Variants in SETD5 observed in about 807,000 individuals in gnomAD.
SETD5 encodes the protein SET domain containing 5.
Under a neutral mutation model 153.3 loss-of-function variants are expected in SETD5, and 44 were observed. The observed-to-expected ratio is 0.29, with a 90% confidence interval of 0.23 to 0.37. The LOEUF is 0.37. SETD5 is among the 10% of genes least tolerant of loss of function. The pLI, the probability that SETD5 is intolerant of heterozygous loss-of-function variation, is 1.00. For synonymous variants in SETD5, 716 were observed against 645.2 expected (o/e 1.11, Z -1.66); for missense variants, 1,544 against 1,768.0 (o/e 0.87, Z 2.27).
intron 18 of SETD5, among the ~76,000 whole-genome samples, chr3:9,466,009 C>T (rs1184700134): frequency 6.6e-6 from 1 of 152,070 alleles, no homozygotes; most frequent in East Asian, 1.9e-4. Flanking sequence ...TAGAAGGAGG[C>T]CGGGCGCAGT....
At chr3:9,471,355 G>A (rs1010336515) in intron 19 of SETD5, among the ~76,000 whole-genome samples, 1 of 152,178 alleles carries the variant, frequency 6.6e-6, no homozygotes, top group African/African-American at 2.4e-5. Flanking sequence ...GGAAGGACCA[G>A]GATACTACCC....
At position 9,474,442 on chromosome 3, in the gene SETD5, T is replaced by C. The variant is rs769016226; in HGVS notation, c.3498-7T>C. ...TGGCTTGAACTTGCACCCTGTTGCCTTTACAGGATGGTTCCCACATCAGTA... is the reference window on the plus strand; with the variant it reads ...TGGCTTGAACTTGCACCCTGTTGCCCTTACAGGATGGTTCCCACATCAGTA... On this transcript the variant is annotated splice_polypyrimidine_tract_variant and splice_region_variant and intron_variant, in intron 20 of 22. Coordinates refer to ENST00000402198, the MANE Select transcript of SETD5 (RefSeq NM_001080517.3). The C allele has an allele frequency of 1.9e-6, 3 of 1,613,182 alleles. No individual in the cohort carries two copies. The highest frequency in any genetic ancestry group is 2.5e-6 in the Non-Finnish European group (3 of 1,179,626).
rs73026975 is a variant in SETD5, at chr3:9,473,370, T to C, written c.3330T>C (p.Thr1110=). The change falls in exon 20 of 23, where the codon ACT becomes ACC. Residue 1110 remains threonine (T), a synonymous_variant. Transcript: ENST00000402198. ...GQGSSNSVSD[T]GAHGVQGSSA... ...GCAGCAGTAACTCCGTTTCCGACAC[T>C]GGTGCCCATGGTGTGCAGGGATCCT... The C allele has an allele frequency of 0.031, 49,400 of 1,613,952 alleles. 905 individuals carry two copies. Among genetic ancestry groups the C allele is most frequent in the Non-Finnish European group, 0.035 (41,619 of 1,179,878 alleles).
intron 3 of SETD5, chr3:9,430,001 A>G: frequency 8.0e-7 from 1 of 1,245,060 alleles, no homozygotes; most frequent in Non-Finnish European, 1.0e-6. Context: ...TGTTTTGAAT[A>G]TGTTCAGGTC....
chr3:9,425,325 A>G (rs1343224132), intron 2 of SETD5, among the ~76,000 whole-genome samples: 1 of 151,848 alleles, frequency 6.6e-6, no homozygotes, highest in East Asian at 1.9e-4. Flanking sequence ...CAGCCTCCCA[A>G]AGTGTTGGAA....
At chr3:9,446,202 G>T (rs1484376121) in intron 13 of SETD5, among the ~76,000 whole-genome samples, 1 of 145,044 alleles carries the variant, frequency 6.9e-6, no homozygotes, top group Admixed American at 7.1e-5. Context: ...CAGGAGAATG[G>T]CATGAACCTG....
rs554063669 is a variant in SETD5, at chr3:9,412,477, A to G, written c.-176-11990A>G. ...GAGTGCAGTAGCACAATCATTGTTC[A>G]TTGTAACCTTGAACCACTGGGCTCA... On this transcript the variant is annotated intron_variant, in intron 1 of 22. Transcript: ENST00000402198. Among the ~76,000 whole-genome samples the G allele has an allele frequency of 4.5e-5, 6 of 134,362 alleles. No homozygotes were observed. In the East Asian group the frequency reaches 8.8e-4, roughly 20 times the overall value. The allele number at this position is 134,362 out of a possible 152,430, so 88.1% of individuals were successfully genotyped here.
intron 20 of SETD5, among the ~76,000 whole-genome samples, chr3:9,473,922 A>G (rs1237405791): frequency 6.6e-6 from 1 of 152,246 alleles, no homozygotes; most frequent in East Asian, 1.9e-4. Flanking sequence ...GCTAGCATAT[A>G]CAGAGCAAAA....
chr3:9,465,167 C>T (rs2044408130), intron 18 of SETD5, among the ~76,000 whole-genome samples: 1 of 152,272 alleles, frequency 6.6e-6, no homozygotes, highest in Admixed American at 6.5e-5. Flanking sequence ...TGGGGTATGG[C>T]TTATGGCGAA....
Position 9,475,717 on chromosome 3 carries a change from G to A in SETD5, c.3955G>A (p.Gly1319Arg). 6.2e-7 allele frequency: 1 copy of A among 1,613,968 alleles called. No homozygotes were observed. Among genetic ancestry groups the A allele is most frequent in the Non-Finnish European group, 8.5e-7 (1 of 1,179,884 alleles). ...GTTGGCCCCATTTACGGGGACACCA[G>A]GGTATTTTAGCAGCCAGCCACATTC... ...DSLAPFTGTP[G>R]YFSSQPHSGN... Residue 1319 changes from glycine to arginine, a missense_variant, in exon 23 of 23, where the codon GGG becomes AGG. Around this residue, in one of 9 missense-constraint regions of SETD5, gnomAD observed 302 missense variants for 277.6 expected, o/e 1.09. Transcript: ENST00000402198.
intron 1 of SETD5, among the ~76,000 whole-genome samples, chr3:9,410,117 C>G (rs1346290303): frequency 6.6e-6 from 1 of 152,162 alleles, no homozygotes; most frequent in Admixed American, 6.5e-5. Flanking sequence ...TAACATAAAC[C>G]TAGATGGTAC....
At chr3:9,474,389 G>A in intron 20 of SETD5, 60 bp from the exon 21 acceptor site, 2 of 1,590,054 alleles carry the variant, frequency 1.3e-6, no homozygotes, top group Non-Finnish European at 1.7e-6. Flanking sequence ...GCACTGGTTA[G>A]GGCTTCATTT....
chr3:9,423,623 G>C (rs932338047), intron 1 of SETD5, among the ~76,000 whole-genome samples: 1 of 151,720 alleles, frequency 6.6e-6, no homozygotes, highest in South Asian at 2.1e-4. Flanking sequence ...AATTCTGGGT[G>C]TACTATTTTA....
intron 7 of SETD5, among the ~76,000 whole-genome samples, chr3:9,437,582 C>G (rs1198993869): frequency 6.8e-6 from 1 of 147,468 alleles, no homozygotes; most frequent in East Asian, 1.9e-4. Context: ...AAACATGCCT[C>G]TCAAATTATT....
At chr3:9,474,715 GC>G in intron 21 of SETD5, 133 bp downstream of exon 21, 1 of 1,230,204 alleles carries the variant, frequency 8.1e-7, no homozygotes, top group Non-Finnish European at 1.1e-6. Flanking sequence ...CTAGGTTCCA[GC>G]CCACTTATGC....
chr3:9,452,635 AC>A (rs1453865980), intron 16 of SETD5, among the ~76,000 whole-genome samples: 1 of 146,082 alleles, frequency 6.8e-6, no homozygotes, highest in Non-Finnish European at 1.5e-5. Flanking sequence ...TTGGCCAGCC[AC>A]AATGACATTT....
chr3:9,435,296 C>T (rs906216059), intron 6 of SETD5, among the ~76,000 whole-genome samples: 2 of 151,802 alleles, frequency 1.3e-5, no homozygotes, highest in African/African-American at 4.8e-5. Flanking sequence ...CATGGTCCCC[C>T]AGCCAGCTCT....
rs1349032508 is a variant in SETD5, at chr3:9,435,854, G to A, written c.515G>A (p.Arg172Gln). Residue 172 changes from arginine to glutamine, a missense_variant, in exon 7 of 23, where the codon CGG (arginine) becomes CAG (glutamine). Physicochemically the swap from Arg to Gln is conservative, Grantham distance 43. Transcript: ENST00000402198. ...GTTAGAAGAACCAAACCCAAGAAGC[G>A]GAAAAAGAGTCCAGAAAAGGGTCGT... ...LTVRRTKPKK[R>Q]KKSPEKGRAA... The A allele has an allele frequency of 1.3e-6, 2 of 1,598,748 alleles. No individual in the cohort carries two copies. The highest frequency in any genetic ancestry group is 1.3e-5 in the African/African-American group (1 of 74,450).
At chr3:9,422,931 GC>G (rs1453094862) in intron 1 of SETD5, among the ~76,000 whole-genome samples, 6 of 152,176 alleles carry the variant, frequency 3.9e-5, no homozygotes, top group Admixed American at 3.3e-4. Context: ...AGCATATGAG[GC>G]CTGTTCTCTT....
Sources: allele counts gnomAD v4.1 joint callset (sites outside exome capture counted in the v4.1 genomes callset), GRCh38; gene constraint gnomAD v4.1.1; regional missense constraint gnomAD v4.1.1; transcripts MANE v1.5; gene names NCBI Gene and HGNC (gene_info 2026-07-23, HGNC 2026-07-21).